The following PIGL variants were observed in gnomAD, a reference collection of about 807,000 sequenced individuals.
The protein encoded by PIGL is N-acetylglucosaminyl-phosphatidylinositol de-N-acetylase.
Under a neutral mutation model 31.1 loss-of-function variants are expected in PIGL, and 22 were observed. The observed-to-expected ratio is 0.71, with a 90% CI of 0.51 to 1.01. The LOEUF is 1.01. Ranked by LOEUF, PIGL falls within the 50% of genes least tolerant of loss-of-function variation. PIGL has a pLI of 0.00. For synonymous variants in PIGL, 131 were observed against 117.4 expected (o/e 1.12, Z -0.75); for missense variants, 302 against 315.9 (o/e 0.96, Z 0.33).
chr17:16,276,042 C>A (rs747647739), intron 2 of PIGL, among the ~76,000 whole-genome samples: 1 of 151,884 alleles, frequency 6.6e-6, no homozygotes, highest in Non-Finnish European at 1.5e-5. Context: ...AGAAAGAAAG[C>A]GTCATTATGG....
At chr17:16,318,442 T>C (rs2093088103) in intron 6 of PIGL, among the ~76,000 whole-genome samples, 1 of 151,964 alleles carries the variant, frequency 6.6e-6, no homozygotes, top group Non-Finnish European at 1.5e-5. Flanking sequence ...GCTAATTTTT[T>C]GTATTTTTAG....
rs1057372499 is a variant in PIGL at position 16,297,690 on chromosome 17, C to T, written c.336-2198C>T. Among the ~76,000 whole-genome samples, 4 of 152,184 alleles carry T rather than the reference C, an allele frequency of 2.6e-5. No homozygotes were observed. The East Asian group carries it at 5.8e-4, about 22-fold the overall frequency. On this transcript the variant is annotated intron_variant, in intron 2 of 6. Transcript: ENST00000225609. Reference sequence around the variant, plus strand: ...ACAAAACTGAACTTTGTCCTGATCCCGCTTTATCCCTTTCTCCTGATCCTG... The same window carrying T: ...ACAAAACTGAACTTTGTCCTGATCCTGCTTTATCCCTTTCTCCTGATCCTG...
At chr17:16,242,604 A>T (rs575324589) in intron 2 of PIGL, among the ~76,000 whole-genome samples, 2 of 149,932 alleles carry the variant, frequency 1.3e-5, no homozygotes, top group South Asian at 4.2e-4. Context: ...TGCTAATACA[A>T]TCTTTCATGT....
At chr17:16,275,427 A>G (rs1291097241) in intron 2 of PIGL, among the ~76,000 whole-genome samples, 1 of 152,136 alleles carries the variant, frequency 6.6e-6, no homozygotes, top group Non-Finnish European at 1.5e-5. Flanking sequence ...TAAGGTCTTT[A>G]TGACGTGTAT....
intron 2 of PIGL, among the ~76,000 whole-genome samples, chr17:16,285,761 G>A (rs1197927631): frequency 6.6e-6 from 1 of 150,868 alleles, no homozygotes; most frequent in Non-Finnish European, 1.5e-5. Context: ...CTTTTTCTCA[G>A]ATCGCCTTTT....
chr17:16,278,379 G>A (rs950630946), intron 2 of PIGL, among the ~76,000 whole-genome samples: 2 of 152,156 alleles, frequency 1.3e-5, no homozygotes, highest in South Asian at 2.1e-4. Flanking sequence ...ATGAGCCACT[G>A]TGCCCAGGAT....
At position 16,276,459 on chromosome 17, in the gene PIGL, G is replaced by A. The variant is rs562203956; in HGVS notation, c.336-23429G>A. ...TGATAAGACTAGACTCTGGCCGGGT[G>A]TGGTGGCTCACACCTATAATCCCAG... On this transcript the variant is annotated intron_variant, in intron 2 of 6. Transcript: ENST00000225609. Among the ~76,000 whole-genome samples, 25 of 152,358 alleles carry A rather than the reference G, an allele frequency of 1.6e-4. No individual in the cohort carries two copies. In the South Asian group the frequency reaches 5.2e-3, roughly 32 times the overall value.
At chr17:16,306,168 C>CT (rs1227726001) in intron 3 of PIGL, among the ~76,000 whole-genome samples, 1 of 151,928 alleles carries the variant, frequency 6.6e-6, no homozygotes, top group Non-Finnish European at 1.5e-5. Flanking sequence ...CCAGGCTGAT[C>CT]TTGAACTCCT....
chr17:16,292,197 G>A (rs1054350180), intron 2 of PIGL, among the ~76,000 whole-genome samples: 1 of 151,576 alleles, frequency 6.6e-6, no homozygotes, highest in African/African-American at 2.4e-5. Flanking sequence ...ACCACACCCA[G>A]CTAATTTTTT....
At chr17:16,292,597 A>G (rs1251390108) in intron 2 of PIGL, among the ~76,000 whole-genome samples, 3 of 152,236 alleles carry the variant, frequency 2.0e-5, no homozygotes, top group Admixed American at 1.3e-4. Flanking sequence ...GATGCTCATT[A>G]CAACCTTTTT....
intron 2 of PIGL, among the ~76,000 whole-genome samples, chr17:16,242,333 G>T (rs2092726325): frequency 1.3e-5 from 2 of 152,084 alleles, no homozygotes; most frequent in South Asian, 2.1e-4. Context: ...TACAGCATGA[G>T]CCACCATTCC....
At chr17:16,220,614 G>A (rs1375298826) in intron 1 of PIGL, among the ~76,000 whole-genome samples, 1 of 150,378 alleles carries the variant, frequency 6.6e-6, no homozygotes, top group Non-Finnish European at 1.5e-5. Flanking sequence ...TCAGCCTCTG[G>A]AGTAGCGGGA....
chr17:16,258,804 A>G (rs2092807892), intron 2 of PIGL, among the ~76,000 whole-genome samples: 1 of 152,174 alleles, frequency 6.6e-6, no homozygotes. Flanking sequence ...TCCAGCCTGG[A>G]AGTAGACATT....
intron 2 of PIGL, among the ~76,000 whole-genome samples, chr17:16,246,025 A>G (rs963996509): frequency 3.7e-4 from 55 of 150,076 alleles, no homozygotes; most frequent in South Asian, 1.5e-3. Flanking sequence ...GGGTTTCACC[A>G]TGTTAGCCAG....
intron 3 of PIGL, among the ~76,000 whole-genome samples, chr17:16,310,664 G>A (rs968469483): frequency 6.6e-6 from 1 of 152,072 alleles, no homozygotes; most frequent in African/African-American, 2.4e-5. Context: ...AACCTCCCAA[G>A]TAGCTGGGAT....
At chr17:16,307,186 A>G (rs759277831) in intron 3 of PIGL, among the ~76,000 whole-genome samples, 54 of 152,176 alleles carry the variant, frequency 3.5e-4, no homozygotes, top group Admixed American at 1.6e-3. Flanking sequence ...GAGGTTCCCA[A>G]TGATTCCTGA....
At chr17:16,231,237 T>C (rs1256838467) in intron 1 of PIGL, among the ~76,000 whole-genome samples, 6 of 147,596 alleles carry the variant, frequency 4.1e-5, no homozygotes, top group African/African-American at 9.9e-5. Flanking sequence ...CTTTTCTTTT[T>C]TTTTTTTTTT....
At chr17:16,295,503 T>A (rs528750343) in intron 2 of PIGL, among the ~76,000 whole-genome samples, 2 of 151,554 alleles carry the variant, frequency 1.3e-5, no homozygotes, top group Non-Finnish European at 1.5e-5. Flanking sequence ...AGTTATTAGC[T>A]GGGCTTGGTG....
intron 6 of PIGL, chr17:16,324,313 T>C (rs1241270002): frequency 6.6e-6 from 1 of 151,944 alleles, no homozygotes; most frequent in Non-Finnish European, 1.5e-5. Context: ...TGGTTTTCCC[T>C]TTATCTTCTA....
Sources: allele counts gnomAD v4.1 joint callset (sites outside exome capture counted in the v4.1 genomes callset), GRCh38; gene constraint gnomAD v4.1.1; transcripts MANE v1.5; gene names NCBI Gene and HGNC (gene_info 2026-07-23, HGNC 2026-07-21).